The following DAZL variants were observed in gnomAD, a reference collection of about 807,000 sequenced individuals.
DAZL encodes deleted in azoospermia-like.
Under a neutral mutation model 45.0 loss-of-function variants are expected in DAZL, and 4 were observed. The observed-to-expected ratio is 0.09, with a 90% CI of 0.04 to 0.20. The LOEUF (loss-of-function observed/expected upper bound fraction) is 0.20, where lower values mean the gene tolerates loss of function less well. DAZL is among the 10% of genes least tolerant of loss of function. The pLI, the probability that DAZL is intolerant of heterozygous loss-of-function variation, is 1.00. For missense variants in DAZL, 326 were observed against 351.3 expected (o/e 0.93, Z 0.58); for synonymous variants, 122 against 112.4 (o/e 1.09, Z -0.54).
intron 6 of DAZL, among the ~76,000 whole-genome samples, chr3:16,595,992 A>G (rs1486518843): frequency 1.3e-5 from 2 of 152,050 alleles, no homozygotes; most frequent in Non-Finnish European, 2.9e-5. Context: ...AAATGTTAGA[A>G]ACAAGTAGGG....
chr3:16,603,144 C>G (rs73818474), intron 1 of DAZL, among the ~76,000 whole-genome samples: 1 of 152,188 alleles, frequency 6.6e-6, no homozygotes, highest in Non-Finnish European at 1.5e-5. Flanking sequence ...AATACTGATA[C>G]ATTCTTTACA....
At position 16,605,184 on chromosome 3, in the gene DAZL, G is replaced by A; in HGVS notation, c.3+19C>T. 2 of 1,614,108 alleles carry A rather than the reference G, an allele frequency of 1.2e-6. No individual in the cohort carries two copies. Among genetic ancestry groups the A allele is most frequent in the South Asian group, 1.1e-5 (1 of 91,088 alleles). On this transcript the variant is annotated intron_variant, in intron 1 of 10. Coordinates refer to ENST00000399444, the MANE Select transcript of DAZL (RefSeq NM_001351.4). ...AAGACTCCGCCAGCCTTGCCCCTCG[G>A]GCCTCTCCCTCAACTCACCATGATG...
intron 1 of DAZL, among the ~76,000 whole-genome samples, chr3:16,602,994 A>G (rs778759637): frequency 1.3e-5 from 2 of 152,210 alleles, no homozygotes; most frequent in Non-Finnish European, 2.9e-5. Context: ...TGATCGATCA[A>G]CTTCATTGAT....
At chr3:16,598,227 T>G in intron 2 of DAZL, 49 bp from the exon 3 acceptor site, 1 of 1,513,636 alleles carries the variant, frequency 6.6e-7, no homozygotes, top group South Asian at 1.1e-5. Flanking sequence ...CATTCAAAAA[T>G]TTTAATTTTA....
intron 1 of DAZL, among the ~76,000 whole-genome samples, 188 bp from the exon 2 acceptor site, chr3:16,598,786 A>G (rs1285041169): frequency 7.4e-6 from 1 of 135,878 alleles, no homozygotes; most frequent in Admixed American, 7.4e-5. Flanking sequence ...AGGATATAGT[A>G]CTTTTTTTTT....
At chr3:16,600,902 A>T (rs1240943729) in intron 1 of DAZL, among the ~76,000 whole-genome samples, 2 of 152,182 alleles carry the variant, frequency 1.3e-5, no homozygotes, top group Admixed American at 1.3e-4. Context: ...CCCTGGGGGC[A>T]TTTAACAACG....
chr3:16,588,730 G>A lies in DAZL; in HGVS notation c.835-17C>T. On this transcript the variant is annotated splice_polypyrimidine_tract_variant and intron_variant, in intron 10 of 10. Transcript: ENST00000399444. Reference sequence around the variant, plus strand: ...TCTTTTATCCTGGAAAAGACAGAAAGAGTCCTTTTACTTTACTGAAAATTT... The same window carrying A: ...TCTTTTATCCTGGAAAAGACAGAAAAAGTCCTTTTACTTTACTGAAAATTT... 17 of 1,607,036 alleles carry A rather than the reference G, an allele frequency of 1.1e-5. No individual in the cohort carries two copies. The highest frequency in any genetic ancestry group is 2.2e-5 in the East Asian group (1 of 44,672).
At chr3:16,589,249 T>A (rs1694483225) in intron 10 of DAZL, among the ~76,000 whole-genome samples, 1 of 152,186 alleles carries the variant, frequency 6.6e-6, no homozygotes, top group South Asian at 2.1e-4. Context: ...CATGCAAAAC[T>A]TTCTTTTCAC....
At chr3:16,590,852 C>A (rs74974668) in intron 10 of DAZL, among the ~76,000 whole-genome samples, 2,435 of 149,108 alleles carry the variant, frequency 0.016, 71 homozygotes, top group African/African-American at 0.058. Flanking sequence ...TTGCCTAGGG[C>A]TGCACAGGAT....
chr3:16,600,502 A>T lies in DAZL; in HGVS notation c.4-1904T>A, dbSNP rs1694673950. ...AGAAAAATTTAAAAACTATTTCTAC[A>T]GTTTTTCCTTTCTAAAAATGTCTTA... On this transcript the variant is annotated intron_variant, in intron 1 of 10. Coordinates refer to ENST00000399444, the MANE Select transcript of DAZL (RefSeq NM_001351.4). 1.3e-5 allele frequency among the ~76,000 whole-genome samples: 2 copies of T among 152,310 alleles called. 1 individual carries two copies. Among genetic ancestry groups the T allele is most frequent in the South Asian group, 4.1e-4 (2 of 4,822 alleles).
chr3:16,601,325 A>C (rs1370131331), intron 1 of DAZL, among the ~76,000 whole-genome samples: 1 of 152,194 alleles, frequency 6.6e-6, no homozygotes, highest in East Asian at 1.9e-4. Context: ...TGGATCTTAC[A>C]AACTGGCTGC....
chr3:16,597,339 T>C, intron 4 of DAZL, 151 bp downstream of exon 4: 1 of 724,106 alleles, frequency 1.4e-6, no homozygotes, highest in East Asian at 2.7e-5. Context: ...AATAAACAGG[T>C]TCTAACAAGT....
intron 4 of DAZL, 81 bp downstream of exon 4, chr3:16,597,409 T>G: frequency 1.0e-6 from 1 of 991,712 alleles, no homozygotes; most frequent in Admixed American, 1.8e-5. Context: ...TCTTCCAAAT[T>G]TTACACAAGA....
chr3:16,604,336 C>T (rs918435650), intron 1 of DAZL: 1 of 1,084,174 alleles, frequency 9.2e-7, no homozygotes, highest in African/African-American at 1.6e-5. Context: ...ACGCTATCTA[C>T]CAAATGGACA....
intron 1 of DAZL, among the ~76,000 whole-genome samples, chr3:16,602,190 G>C (rs892242342): frequency 1.3e-5 from 2 of 152,148 alleles, no homozygotes; most frequent in African/African-American, 2.4e-5. Context: ...AGGCAAGAAA[G>C]CAAAAGGATA....
intron 4 of DAZL, 90 bp from the exon 5 acceptor site, chr3:16,597,141 T>C (rs1694612732): frequency 2.9e-6 from 4 of 1,398,644 alleles, no homozygotes; most frequent in Non-Finnish European, 3.0e-6. Flanking sequence ...CTAAAATTCC[T>C]ATTATCATAG....
At position 16,593,090 on chromosome 3, in the gene DAZL, T is replaced by C. The variant is rs566848843; in HGVS notation, c.735+565A>G. ...ATGTGTTTCACTGTTTAAGTAAATA[T>C]CAAAATTATAAAAGAAAAGGTACAT... On this transcript the variant is annotated intron_variant, in intron 9 of 10. Transcript: ENST00000399444. Among the ~76,000 whole-genome samples the C allele has an allele frequency of 1.6e-3, 249 of 152,336 alleles. 3 individuals are homozygous for C. The highest frequency in any genetic ancestry group is 3.4e-3 in the Middle Eastern group (1 of 294).
intron 7 of DAZL, among the ~76,000 whole-genome samples, chr3:16,595,082 G>A (rs1312681639): frequency 2.6e-5 from 4 of 152,018 alleles, no homozygotes; most frequent in Non-Finnish European, 4.4e-5. Flanking sequence ...AGGGGACACC[G>A]AATCTCATAA....
At chr3:16,590,085 C>A (rs1485427866) in intron 10 of DAZL, among the ~76,000 whole-genome samples, 2 of 152,062 alleles carry the variant, frequency 1.3e-5, no homozygotes, top group African/African-American at 2.4e-5. Context: ...AAACAAAAAA[C>A]CACAGAAGAC....
Sources: gnomAD v4.1 joint callset for allele counts (sites outside exome capture counted in the v4.1 genomes callset) on GRCh38, gnomAD v4.1.1 for gene constraint, MANE v1.5 for transcripts, NCBI Gene and HGNC (gene_info 2026-07-23, HGNC 2026-07-21) for gene names.